PRKAA2: variants seen among roughly 807,000 people sequenced by gnomAD.
PRKAA2 encodes protein kinase AMP-activated catalytic subunit alpha 2.
In PRKAA2, 40 loss-of-function variants were observed where a neutral mutation model predicts 56.3. That is an observed-to-expected ratio of 0.71 (90% CI 0.55 to 0.92). The LOEUF is 0.92. PRKAA2 is among the 40% of genes least tolerant of loss of function. The pLI, the probability that PRKAA2 is intolerant of heterozygous loss-of-function variation, is 0.00. For synonymous variants in PRKAA2, 214 were observed against 234.2 expected (o/e 0.91, Z 0.79); for missense variants, 542 against 686.9 (o/e 0.79, Z 2.36).
chr1:56,671,158 A>G (rs935057690), intron 1 of PRKAA2, among the ~76,000 whole-genome samples: 1 of 152,212 alleles, frequency 6.6e-6, no homozygotes, highest in African/African-American at 2.4e-5. Context: ...TTAAATCTGT[A>G]TTTATTACAA....
rs769536518 is a variant in PRKAA2 at position 56,707,503 on chromosome 1, C to T, written c.1449C>T (p.Ser483=). 4.3e-6 allele frequency: 7 copies of T among 1,614,012 alleles called. No individual in the cohort carries two copies. Among genetic ancestry groups the T allele is most frequent in the Non-Finnish European group, 5.9e-6 (7 of 1,180,028 alleles). ...DDEVVEQRSG[S]STPQRSCSAA... Reference sequence around the variant, plus strand: ...AAGTAGTGGAGCAGAGATCTGGTTCCTCAACACCTCAGCGTTCCTGTTCTG... The same window carrying T: ...AAGTAGTGGAGCAGAGATCTGGTTCTTCAACACCTCAGCGTTCCTGTTCTG... Residue 483 remains serine (S), a synonymous_variant, in exon 9 of 9, where the codon TCC becomes TCT. Coordinates refer to ENST00000371244, the MANE Select transcript of PRKAA2 (RefSeq NM_006252.4).
intron 1 of PRKAA2, among the ~76,000 whole-genome samples, chr1:56,660,913 A>C (rs1029717694): frequency 6.6e-6 from 1 of 152,182 alleles, no homozygotes; most frequent in African/African-American, 2.4e-5. Flanking sequence ...CCTTTAGAGA[A>C]CTTTAAAGGA....
chr1:56,646,353 G>A (rs1388675799), intron 1 of PRKAA2, among the ~76,000 whole-genome samples: 1 of 152,172 alleles, frequency 6.6e-6, no homozygotes, highest in Admixed American at 6.5e-5. Context: ...GGTGTTTGGA[G>A]GATTTGAGGC....
intron 6 of PRKAA2, among the ~76,000 whole-genome samples, chr1:56,699,342 T>C (rs370316918): frequency 1.2e-3 from 180 of 152,256 alleles, no homozygotes; most frequent in South Asian, 7.7e-3. Context: ...GTAGTAGTGA[T>C]AGAAAAATAT....
At chr1:56,646,198 G>A (rs1290236527) in intron 1 of PRKAA2, among the ~76,000 whole-genome samples, 1 of 152,174 alleles carries the variant, frequency 6.6e-6, no homozygotes, top group Non-Finnish European at 1.5e-5. Flanking sequence ...GAGGTTGTGA[G>A]TCTTTCTTCC....
chr1:56,653,520 C>A (rs1380038039), intron 1 of PRKAA2, among the ~76,000 whole-genome samples: 1 of 152,022 alleles, frequency 6.6e-6, no homozygotes, highest in African/African-American at 2.4e-5. Flanking sequence ...GCTATGTGGT[C>A]AAACTCAATC....
At position 56,706,230 on chromosome 1, in the gene PRKAA2, A is replaced by G. The variant is rs752466108; in HGVS notation, c.1420+12A>G. 148 of 1,611,238 alleles carry G rather than the reference A, an allele frequency of 9.2e-5. No individual in the cohort carries two copies. The highest frequency in any genetic ancestry group is 1.1e-4 in the Non-Finnish European group (125 of 1,179,270). On this transcript the variant is annotated intron_variant, in intron 8 of 8. Coordinates refer to ENST00000371244, the MANE Select transcript of PRKAA2 (RefSeq NM_006252.4). ...TAAAAGCATTGATGGTAAGGAAGCT[A>G]TGCATGCATGAGCTCTGAGAAGATA...
intron 6 of PRKAA2, among the ~76,000 whole-genome samples, chr1:56,702,298 G>C (rs1017167866): frequency 6.6e-6 from 1 of 152,104 alleles, no homozygotes; most frequent in Non-Finnish European, 1.5e-5. Flanking sequence ...GGTCAGGCCG[G>C]TCTCGAACTC....
intron 1 of PRKAA2, among the ~76,000 whole-genome samples, chr1:56,660,825 A>G (rs761677257): frequency 1.3e-5 from 2 of 152,202 alleles, no homozygotes; most frequent in Non-Finnish European, 2.9e-5. Context: ...ATAAAGTACT[A>G]TTTAATAAAT....
At chr1:56,678,003 C>T (rs2064422) in intron 2 of PRKAA2, among the ~76,000 whole-genome samples, 72,415 of 151,986 alleles carry the variant, frequency 0.48, 17,545 homozygotes, top group East Asian at 0.64. Context: ...TTTCTTGCCT[C>T]CATTTCTATA....
At chr1:56,701,813 G>C (rs553903035) in intron 6 of PRKAA2, among the ~76,000 whole-genome samples, 1 of 151,922 alleles carries the variant, frequency 6.6e-6, no homozygotes, top group East Asian at 2.0e-4. Flanking sequence ...AGAATGGCGT[G>C]AACCCAGGAA....
At chr1:56,682,451 A>C (rs761279333) in intron 2 of PRKAA2, among the ~76,000 whole-genome samples, 3 of 152,190 alleles carry the variant, frequency 2.0e-5, no homozygotes, top group African/African-American at 4.8e-5. Context: ...CAAGGGGAAG[A>C]GCAACATCAA....
chr1:56,670,575 C>T (rs974749547), intron 1 of PRKAA2, among the ~76,000 whole-genome samples: 1 of 152,124 alleles, frequency 6.6e-6, no homozygotes, highest in African/African-American at 2.4e-5. Flanking sequence ...GCAGGCTGTA[C>T]GCTGGGTAGC....
At chr1:56,682,027 T>G (rs1233090790) in intron 2 of PRKAA2, among the ~76,000 whole-genome samples, 1 of 152,150 alleles carries the variant, frequency 6.6e-6, no homozygotes, top group East Asian at 1.9e-4. Context: ...CTCTTTTATT[T>G]CATTGAGCAG....
chr1:56,674,489 TA>T lies in PRKAA2; in HGVS notation c.207del (p.Lys69AsnfsTer14). ...AAAATAAAACGAGAAATTCAAAATCTAAAACTCTTTCGTCATCCTCATATTA... is the reference window on the plus strand; with the variant it reads ...AAAATAAAACGAGAAATTCAAAATCTAAACTCTTTCGTCATCCTCATATTA... ...VGKIKREIQN[L>X]KLFRHPHIIK... On this transcript the variant is annotated frameshift_variant, in exon 2 of 9. Transcript: ENST00000371244. LOFTEE classifies it high-confidence loss of function. 1 of 1,554,398 alleles carries T rather than the reference TA, an allele frequency of 6.4e-7. No individual in the cohort carries two copies. Among genetic ancestry groups the T allele is most frequent in the Non-Finnish European group, 8.7e-7 (1 of 1,144,672 alleles).
At chr1:56,678,904 C>G (rs934842794) in intron 2 of PRKAA2, among the ~76,000 whole-genome samples, 1 of 152,150 alleles carries the variant, frequency 6.6e-6, no homozygotes, top group African/African-American at 2.4e-5. Flanking sequence ...CCATGTTGGC[C>G]AGGATGGCCT....
chr1:56,702,648 A>G, intron 6 of PRKAA2, among the ~76,000 whole-genome samples: 1 of 152,114 alleles, frequency 6.6e-6, no homozygotes, highest in East Asian at 1.9e-4. Context: ...TTCTTGTCTC[A>G]TGGTCTTTGC....
chr1:56,682,235 GTA>G (rs1644160400), intron 2 of PRKAA2, among the ~76,000 whole-genome samples: 2 of 152,110 alleles, frequency 1.3e-5, no homozygotes, highest in South Asian at 4.1e-4. Context: ...TGGACAGTAA[GTA>G]AACAAATTAA....
intron 5 of PRKAA2, among the ~76,000 whole-genome samples, chr1:56,695,076 A>C (rs1644249783): frequency 6.6e-6 from 1 of 151,512 alleles, no homozygotes; most frequent in South Asian, 2.1e-4. Flanking sequence ...TGAGAATAGA[A>C]ATAGTAAGTA....
Sources: gnomAD v4.1 joint callset for allele counts (sites outside exome capture counted in the v4.1 genomes callset) on GRCh38, gnomAD v4.1.1 for gene constraint, MANE v1.5 for transcripts, NCBI Gene and HGNC (gene_info 2026-07-23, HGNC 2026-07-21) for gene names.